The following WDPCP variants were observed in gnomAD, a reference collection of about 807,000 sequenced individuals.
The protein encoded by WDPCP is WD repeat-containing and planar cell polarity effector protein fritz homolog.
A neutral mutation model predicts 93.1 loss-of-function variants in WDPCP; 71 were observed. The ratio of observed to expected loss-of-function variants is 0.76; its 90% confidence interval spans 0.63 to 0.93. The LOEUF (loss-of-function observed/expected upper bound fraction) is 0.93. WDPCP is among the 40% of genes least tolerant of loss of function. WDPCP has a pLI of 0.00. For synonymous variants in WDPCP, 315 were observed against 315.0 expected (o/e 1.00, Z 0.00); for missense variants, 844 against 887.4 (o/e 0.95, Z 0.62).
chr2:63,545,286 A>G (rs1237599202), intron 1 of WDPCP, among the ~76,000 whole-genome samples: 1 of 148,742 alleles, frequency 6.7e-6, no homozygotes, highest in East Asian at 1.9e-4. Context: ...GTGTGTGAGT[A>G]GAATGTGTGT....
rs567300226 is a variant in WDPCP at position 63,681,785 on chromosome 2, GC to G, written n.309-30948del. On this transcript the variant is annotated intron_variant and non_coding_transcript_variant, in intron 2 of 4. Transcript: ENST00000467687. ...ACCAAGCACAGTCTCAGCAGTGGTGGCCACAGTGGTGCTTGTATCACTGCAC... is the reference window on the plus strand; with the variant it reads ...ACCAAGCACAGTCTCAGCAGTGGTGGCACAGTGGTGCTTGTATCACTGCAC... Among the ~76,000 whole-genome samples, 370 of 152,320 alleles carry G rather than the reference GC, an allele frequency of 2.4e-3. 3 individuals carry two copies. Among genetic ancestry groups the G allele is most frequent in the Middle Eastern group, 0.01 (3 of 294 alleles).
At chr2:63,126,201 T>A (rs552341161) in intron 17 of WDPCP, among the ~76,000 whole-genome samples, 1 of 152,206 alleles carries the variant, frequency 6.6e-6, no homozygotes, top group Non-Finnish European at 1.5e-5. Context: ...CCCAAAGTGC[T>A]GGGATTACAG....
At chr2:63,727,260 T>A (rs1177404044) in intron 2 of WDPCP, among the ~76,000 whole-genome samples, 1 of 152,184 alleles carries the variant, frequency 6.6e-6, no homozygotes, top group Non-Finnish European at 1.5e-5. Flanking sequence ...CATAAAGGAA[T>A]GTTGAATTTT....
At chr2:63,567,523 G>A (rs190510006) in intron 1 of WDPCP, among the ~76,000 whole-genome samples, 19 of 152,168 alleles carry the variant, frequency 1.2e-4, no homozygotes, top group African/African-American at 4.1e-4. Context: ...CCCCCAATAC[G>A]CCAGGCTCTC....
intron 3 of WDPCP, chr2:63,607,163 G>C (rs144561667): frequency 5.1e-4 from 228 of 446,590 alleles, no homozygotes; most frequent in Middle Eastern, 4.4e-3. Flanking sequence ...CATGCTGTTA[G>C]TGTGCATTCT....
At chr2:63,582,584 C>A (rs981620456) in intron 1 of WDPCP, among the ~76,000 whole-genome samples, 1 of 151,854 alleles carries the variant, frequency 6.6e-6, no homozygotes, top group African/African-American at 2.4e-5. Context: ...ACCCCAAGCA[C>A]AAGAAACATA....
intron 17 of WDPCP, among the ~76,000 whole-genome samples, chr2:63,152,552 A>G (rs1219141769): frequency 2.0e-5 from 3 of 152,128 alleles, no homozygotes; most frequent in Non-Finnish European, 4.4e-5. Flanking sequence ...GATTACAGGC[A>G]TGAGCCACCG....
At chr2:63,263,609 T>C (rs1318928781) in intron 13 of WDPCP, among the ~76,000 whole-genome samples, 2 of 152,220 alleles carry the variant, frequency 1.3e-5, no homozygotes, top group East Asian at 1.9e-4. Flanking sequence ...GTCTGTGGTA[T>C]GCTGTTGTAG....
intron 9 of WDPCP, among the ~76,000 whole-genome samples, chr2:63,429,578 T>C (rs373466738): frequency 1.3e-5 from 2 of 152,236 alleles, no homozygotes; most frequent in Non-Finnish European, 1.5e-5. Flanking sequence ...AACAAACATA[T>C]GAAAGAATGC....
At chr2:63,549,247 CAAAA>C (rs60864094) in intron 1 of WDPCP, among the ~76,000 whole-genome samples, 2 of 87,660 alleles carry the variant, frequency 2.3e-5, no homozygotes, top group Non-Finnish European at 2.2e-5. Context: ...GAGACTGTCT[CAAAA>C]AAAAAAAAAA....
intron 2 of WDPCP, among the ~76,000 whole-genome samples, chr2:63,716,283 A>G (rs901109751): frequency 2.0e-5 from 3 of 152,192 alleles, no homozygotes; most frequent in African/African-American, 7.2e-5. Flanking sequence ...TGTATCTAAC[A>G]TAATTAATTG....
chr2:63,346,132 G>A (rs1011277249), intron 12 of WDPCP, among the ~76,000 whole-genome samples: 1 of 152,156 alleles, frequency 6.6e-6, no homozygotes, highest in South Asian at 2.1e-4. Flanking sequence ...CCTTACTGAG[G>A]AGCCCAAGAG....
At chr2:63,709,579 G>C (rs557533928) in intron 2 of WDPCP, among the ~76,000 whole-genome samples, 39 of 152,234 alleles carry the variant, frequency 2.6e-4, no homozygotes, top group African/African-American at 8.9e-4. Context: ...TAAGTCTATG[G>C]TCTATGTGGT....
At chr2:63,646,581 G>A (rs1327105566) in intron 3 of WDPCP, among the ~76,000 whole-genome samples, 1 of 151,904 alleles carries the variant, frequency 6.6e-6, no homozygotes, top group Non-Finnish European at 1.5e-5. Context: ...TTTCTTGTAG[G>A]ACAGGTCTGG....
chr2:63,736,948 A>G (rs1000263909), intron 2 of WDPCP, among the ~76,000 whole-genome samples: 9 of 152,152 alleles, frequency 5.9e-5, no homozygotes, highest in African/African-American at 2.2e-4. Context: ...AAATGCTGCC[A>G]AAGACAAAGA....
chr2:63,597,184 T>C, intron 3 of WDPCP: 2 of 692,186 alleles, frequency 2.9e-6, no homozygotes, highest in Non-Finnish European at 3.6e-6. Flanking sequence ...TAAGTAATTA[T>C]TGAAACAGGA....
intron 14 of WDPCP, among the ~76,000 whole-genome samples, chr2:63,231,169 G>T (rs1242314095): frequency 6.6e-6 from 1 of 152,104 alleles, no homozygotes; most frequent in Non-Finnish European, 1.5e-5. Context: ...AGGTATTCAT[G>T]GGACATATCT....
intron 1 of WDPCP, among the ~76,000 whole-genome samples, chr2:63,556,465 C>A (rs1706131357): frequency 2.0e-5 from 3 of 152,164 alleles, no homozygotes; most frequent in Non-Finnish European, 4.4e-5. Context: ...ACTAGCAAAG[C>A]AGACCAACAT....
chr2:63,269,647 A>T (rs1318121197), intron 13 of WDPCP, among the ~76,000 whole-genome samples: 1 of 152,194 alleles, frequency 6.6e-6, no homozygotes, highest in Non-Finnish European at 1.5e-5. Context: ...TGATGTTGTT[A>T]TAACCTTTTC....
Sources: allele counts gnomAD v4.1 joint callset (sites outside exome capture counted in the v4.1 genomes callset), GRCh38; gene constraint gnomAD v4.1.1; transcripts MANE v1.5; gene names NCBI Gene and HGNC (gene_info 2026-07-23, HGNC 2026-07-21).